Variants in SPINK5 observed in about 807,000 individuals in gnomAD.
SPINK5 encodes serine peptidase inhibitor Kazal type 5, also known as serine protease inhibitor Kazal-type 5.
In SPINK5, 125 loss-of-function variants were observed where a neutral mutation model predicts 151.8. The observed-to-expected ratio is 0.82, with a 90% CI of 0.71 to 0.96. The LOEUF (loss-of-function observed/expected upper bound fraction) is 0.96, where lower values mean the gene tolerates loss of function less well. Among genes scored for constraint, SPINK5 ranks in the 40% least tolerant of loss-of-function variants. The probability of loss-of-function intolerance (pLI) is 0.00; values close to 1 mark genes in which losing one functional copy is unlikely to be tolerated. For synonymous variants in SPINK5, 374 were observed against 395.3 expected, an observed-to-expected ratio of 0.95 and a Z score of 0.64; for missense variants, 1,194 against 1,291.9, an observed-to-expected ratio of 0.92 and a Z score of 1.16.
At chr5:148,099,897 CTCA>C (rs1753589871) in intron 12 of SPINK5, among the ~76,000 whole-genome samples, 1 of 152,090 alleles carries the variant, frequency 6.6e-6, no homozygotes, top group South Asian at 2.1e-4. Flanking sequence ...CCACAAGCAG[CTCA>C]TCATCATATA....
chr5:148,128,451 C>T (rs1190654336), intron 30 of SPINK5, among the ~76,000 whole-genome samples: 1 of 152,026 alleles, frequency 6.6e-6, no homozygotes, highest in African/African-American at 2.4e-5. Flanking sequence ...TTTCATCAAG[C>T]CGGCAGTCCT....
At position 148,125,855 on chromosome 5, in the gene SPINK5, G is replaced by C; in HGVS notation, c.2867+5G>C. The C allele has an allele frequency of 6.2e-7, 1 of 1,614,200 alleles. No homozygotes were observed. The highest frequency in any genetic ancestry group is 8.5e-7 in the Non-Finnish European group (1 of 1,180,024). On this transcript the variant is annotated splice_donor_5th_base_variant and intron_variant, in intron 29 of 32. Coordinates refer to ENST00000256084, the MANE Select transcript of SPINK5 (RefSeq NM_006846.4). Reference sequence around the variant, plus strand: ...CTACATGTGCAGAGCTGTCTTGTGAGTAAGAGGATTCTGCTCCCCCTGTAG... The same window carrying C: ...CTACATGTGCAGAGCTGTCTTGTGACTAAGAGGATTCTGCTCCCCCTGTAG...
At chr5:148,128,707 T>A (rs1754497208) in intron 30 of SPINK5, among the ~76,000 whole-genome samples, 1 of 152,124 alleles carries the variant, frequency 6.6e-6, no homozygotes. Context: ...GTATTTTTAG[T>A]AGAGACGGGG....
Position 148,064,101 on chromosome 5 carries a change from T to G in SPINK5, c.55+2T>G. On this transcript the variant is annotated splice_donor_variant, in intron 1 of 32. Transcript: ENST00000256084. LOFTEE classifies it high-confidence loss of function. The stretch of plus-strand genomic sequence containing the variant: ...CCTTGGCTCTTTGCCTCATACAAGG[T>G]GAGCAATTTGTGTGTAATCTAAGCC... The G allele has an allele frequency of 6.2e-7, 1 of 1,614,114 alleles. No individual in the cohort carries two copies. Among genetic ancestry groups the G allele is most frequent in the Non-Finnish European group, 8.5e-7 (1 of 1,180,028 alleles).
rs35803917 is a variant in SPINK5 at position 148,096,143 on chromosome 5, G to A, written c.882+238G>A. Among the ~76,000 whole-genome samples the A allele has an allele frequency of 0.46, 70,346 of 151,696 alleles. 17,077 individuals carry two copies. Among genetic ancestry groups the A allele is most frequent in the Admixed American group, 0.59 (8,965 of 15,214 alleles). On this transcript the variant is annotated intron_variant, in intron 10 of 32. Coordinates refer to ENST00000256084, the MANE Select transcript of SPINK5 (RefSeq NM_006846.4). ...CAATTAATCAAGTCACATTAATAAT[G>A]TAGTTTTGCACTCCTAAATGAAGGT...
intron 31 of SPINK5, 48 bp downstream of exon 31, chr5:148,131,437 A>T: frequency 3.7e-6 from 6 of 1,610,520 alleles, no homozygotes; most frequent in Non-Finnish European, 5.1e-6. Flanking sequence ...AGAATTTCTC[A>T]GCTAGAGTGT....
At chr5:148,093,763 C>T (rs6580518) in intron 8 of SPINK5, among the ~76,000 whole-genome samples, 102,813 of 151,438 alleles carry the variant, frequency 0.68, 35,600 homozygotes, top group African/African-American at 0.8. Flanking sequence ...AAAAGAAATA[C>T]CTAGTTTTAA....
At chr5:148,109,505 ATATT>A (rs1753865596) in intron 18 of SPINK5, among the ~76,000 whole-genome samples, 1 of 150,004 alleles carries the variant, frequency 6.7e-6, no homozygotes, top group Admixed American at 6.7e-5. Flanking sequence ...TATTTACTAT[ATATT>A]AACATAAATA....
intron 21 of SPINK5, among the ~76,000 whole-genome samples, chr5:148,115,026 G>A (rs1462272081): frequency 6.6e-6 from 1 of 152,152 alleles, no homozygotes; most frequent in Non-Finnish European, 1.5e-5. Context: ...AATCTTCTCA[G>A]AAATCATATA....
intron 11 of SPINK5, among the ~76,000 whole-genome samples, chr5:148,098,679 C>T (rs1476300926): frequency 1.3e-5 from 2 of 148,206 alleles, no homozygotes; most frequent in Non-Finnish European, 3.0e-5. Flanking sequence ...TTTTTTTTCA[C>T]ATCTTGTCCT....
At chr5:148,096,883 C>T (rs1213911786) in intron 10 of SPINK5, among the ~76,000 whole-genome samples, 4 of 151,576 alleles carry the variant, frequency 2.6e-5, no homozygotes, top group Non-Finnish European at 5.9e-5. Flanking sequence ...CTCAGCTTTC[C>T]AAAGTGCTAA....
chr5:148,101,469 T>C (rs1187735661), intron 14 of SPINK5, 33 bp downstream of exon 14: 1 of 1,502,266 alleles, frequency 6.7e-7, no homozygotes, highest in Non-Finnish European at 9.3e-7. Flanking sequence ...CTCAGAGGGA[T>C]ATGGCCCTGA....
chr5:148,126,977 C>A lies in SPINK5; in HGVS notation c.2868-6C>A. 1 of 1,603,818 alleles carries A rather than the reference C, an allele frequency of 6.2e-7. No homozygotes were observed. Among genetic ancestry groups the A allele is most frequent in the Non-Finnish European group, 8.5e-7 (1 of 1,173,508 alleles). The stretch of plus-strand genomic sequence containing the variant: ...ATTTTAAATTATTTTTTATTTTCTT[C>A]TCTAGTCTAACAGAAGCTTTGGAAA... On this transcript the variant is annotated splice_region_variant and splice_polypyrimidine_tract_variant and intron_variant, in intron 29 of 32. Transcript: ENST00000256084.
Position 148,137,045 on chromosome 5 carries a change from C to T in SPINK5, c.*54C>T, listed in dbSNP as rs1754712745. On this transcript the variant is annotated 3_prime_UTR_variant, in exon 33 of 33. Coordinates refer to ENST00000256084, the MANE Select transcript of SPINK5 (RefSeq NM_006846.4). ...AAAAATAAACCCCAGTTCTGAATCA[C>T]CTACCTTCACCATCTGTATATACAA... 1.2e-6 allele frequency: 2 copies of T among 1,600,016 alleles called. No individual in the cohort carries two copies. The highest frequency in any genetic ancestry group is 1.7e-5 in the Admixed American group (1 of 59,906).
In SPINK5 at chr5:148,101,872, T is replaced by G. The variant is rs546807237; in HGVS notation, c.1394T>G (p.Met465Arg). 2 of 1,613,692 alleles carry G rather than the reference T, an allele frequency of 1.2e-6. No homozygotes were observed. The highest frequency in any genetic ancestry group is 1.7e-6 in the Non-Finnish European group (2 of 1,179,754). Reference sequence around the variant, plus strand: ...CCCATCCAGGGCCCAGATGGAAAAATGCATGGCAACACCTGCTCCATGTGT... The same window carrying G: ...CCCATCCAGGGCCCAGATGGAAAAAGGCATGGCAACACCTGCTCCATGTGT... ...NDPIQGPDGK[M>R]HGNTCSMCEA... Residue 465 changes from methionine (M) to arginine (R), a missense_variant, in exon 15 of 33, where the codon ATG (methionine) becomes AGG (arginine). Transcript: ENST00000256084.
intron 31 of SPINK5, 102 bp downstream of exon 31, chr5:148,131,491 AG>A: frequency 1.3e-6 from 2 of 1,514,844 alleles, no homozygotes; most frequent in Non-Finnish European, 1.8e-6. Flanking sequence ...ATGTGTTGCA[AG>A]TAATTTATTC....
At chr5:148,112,671 CA>C (rs199895847) in intron 19 of SPINK5, among the ~76,000 whole-genome samples, 196 bp from the exon 20 acceptor site, 1 of 125,212 alleles carries the variant, frequency 8.0e-6, no homozygotes, top group African/African-American at 3.4e-5. Context: ...GACTCCATCT[CA>C]AAAAAAAACC....
At position 148,112,049 on chromosome 5, in the gene SPINK5, T is replaced by C. The variant is rs2287765; in HGVS notation, c.1820+154T>C. On this transcript the variant is annotated intron_variant, in intron 19 of 32. Coordinates refer to ENST00000256084, the MANE Select transcript of SPINK5 (RefSeq NM_006846.4). ...AAATTTACTATTATAAAGCCATATA[T>C]TCAGCCCATTTATTTCTGGTGTTCT... Among the ~76,000 whole-genome samples, 23,231 of 152,110 alleles carry C rather than the reference T, an allele frequency of 0.15. 2,431 individuals are homozygous for C. Among genetic ancestry groups the C allele is most frequent in the East Asian group, 0.32 (1,651 of 5,138 alleles).
chr5:148,133,802 G>A lies in SPINK5; in HGVS notation c.3101G>A (p.Arg1034His), dbSNP rs775295911. 28 of 1,613,744 alleles carry A rather than the reference G, an allele frequency of 1.7e-5. No individual in the cohort carries two copies. Among genetic ancestry groups the A allele is most frequent in the Middle Eastern group, 1.7e-4 (1 of 5,964 alleles). The change falls in exon 32 of 33, where the codon CGC becomes CAC. Residue 1034 changes from arginine to histidine, a missense_variant. By Grantham distance (29) the Arg-to-His change is conservative. Coordinates refer to ENST00000256084, the MANE Select transcript of SPINK5 (RefSeq NM_006846.4). ...PCMLCHENLIRQTNTHIRSTG... is the reference protein window; with the variant it reads ...PCMLCHENLIHQTNTHIRSTG... ...CATCCTCTGATCTGTTTTAGGATAC[G>A]CCAAACAAATACACACATCCGCAGT...
Sources: allele counts gnomAD v4.1 joint callset (sites outside exome capture counted in the v4.1 genomes callset), GRCh38; gene constraint gnomAD v4.1.1; transcripts MANE v1.5; gene names NCBI Gene and HGNC (gene_info 2026-07-23, HGNC 2026-07-21).